The following DIPK1A variants were observed in gnomAD, a reference collection of about 807,000 sequenced individuals.
DIPK1A encodes divergent protein kinase domain 1A, also known as family with sequence similarity 69 member A.
A neutral mutation model predicts 40.8 loss-of-function variants in DIPK1A; 27 were observed. The observed-to-expected ratio is 0.66, with a 90% CI of 0.49 to 0.91. DIPK1A has a LOEUF of 0.91. DIPK1A is among the 40% of genes least tolerant of loss of function. The probability of loss-of-function intolerance (pLI) is 0.00; values close to 1 mark genes in which losing one functional copy is unlikely to be tolerated. For synonymous variants in DIPK1A, 166 were observed against 171.3 expected (o/e 0.97, Z 0.24); for missense variants, 412 against 505.7 (o/e 0.81, Z 1.78).
chr1:92,921,967 T>TAG (rs1029501750), intron 1 of DIPK1A, among the ~76,000 whole-genome samples: 1 of 152,070 alleles, frequency 6.6e-6, no homozygotes, highest in African/African-American at 2.4e-5. Context: ...TTTTTCCTGG[T>TAG]AGAGCAGTCA....
chr1:92,943,380 T>C (rs896877503), intron 1 of DIPK1A, among the ~76,000 whole-genome samples: 5 of 152,016 alleles, frequency 3.3e-5, no homozygotes, highest in Admixed American at 3.3e-4. Context: ...AGAGAGCCAA[T>C]CTGTCAGTTG....
At position 92,895,086 on chromosome 1, in the gene DIPK1A, C is replaced by T. The variant is rs1395601827; in HGVS notation, c.55-18656G>A. Among the ~76,000 whole-genome samples the T allele has an allele frequency of 1.2e-4, 19 of 152,074 alleles. 1 individual carries two copies. The highest frequency in any genetic ancestry group is 8.5e-4 in the Admixed American group (13 of 15,278). On this transcript the variant is annotated intron_variant, in intron 1 of 4. Transcript: ENST00000370310. ...ATTCTACCAGAGGTACAAGGAGGAG[C>T]TGGTACCATTCCTTCTGAAACTATT...
intron 1 of DIPK1A, among the ~76,000 whole-genome samples, chr1:92,909,927 A>T (rs1649766183): frequency 6.6e-6 from 1 of 152,214 alleles, no homozygotes; most frequent in African/African-American, 2.4e-5. Flanking sequence ...GGCATTCTTC[A>T]CATTAGTATC....
intron 1 of DIPK1A, among the ~76,000 whole-genome samples, chr1:92,939,441 T>C (rs187286727): frequency 1.3e-5 from 2 of 152,310 alleles, no homozygotes; most frequent in Admixed American, 1.3e-4. Context: ...AATTTCTTAA[T>C]AGAGCAGTCA....
intron 1 of DIPK1A, among the ~76,000 whole-genome samples, chr1:92,903,807 A>T (rs1163771112): frequency 6.6e-6 from 1 of 152,204 alleles, no homozygotes; most frequent in Non-Finnish European, 1.5e-5. Flanking sequence ...GGCAATGAGA[A>T]ATATGGCCTT....
At chr1:92,893,732 A>G (rs1649017610) in intron 1 of DIPK1A, among the ~76,000 whole-genome samples, 1 of 152,030 alleles carries the variant, frequency 6.6e-6, no homozygotes, top group African/African-American at 2.4e-5. Flanking sequence ...GTCAAGACCC[A>G]TCAGTGTGCT....
intron 4 of DIPK1A, chr1:92,835,109 A>C (rs905830794): frequency 9.6e-6 from 7 of 725,390 alleles, no homozygotes; most frequent in South Asian, 8.6e-5. Flanking sequence ...ACAAATCTGT[A>C]ATTTGCTGTC....
intron 1 of DIPK1A, among the ~76,000 whole-genome samples, chr1:92,924,548 C>A (rs1325667492): frequency 7.8e-6 from 1 of 128,432 alleles, no homozygotes; most frequent in Non-Finnish European, 1.7e-5. Flanking sequence ...GGCACCTTGC[C>A]TCTAGTGGAC....
In DIPK1A at chr1:92,895,184, T is replaced by G. The variant is rs1325875787; in HGVS notation, c.55-18754A>C. 7.2e-5 allele frequency among the ~76,000 whole-genome samples: 11 copies of G among 151,890 alleles called. No homozygotes were observed. In the East Asian group the frequency reaches 2.1e-3, roughly 29 times the overall value. The stretch of plus-strand genomic sequence containing the variant: ...CCAGCACCATCCTGATACCAAAGCC[T>G]GGCAGAGACACAACAAAAAAAGAGA... On this transcript the variant is annotated intron_variant, in intron 1 of 4. Transcript: ENST00000370310.
At position 92,937,827 on chromosome 1, in the gene DIPK1A, T is replaced by G. The variant is rs190621597; in HGVS notation, c.54+23549A>C. Among the ~76,000 whole-genome samples the G allele has an allele frequency of 6.8e-5, 9 of 132,092 alleles. No individual in the cohort carries two copies. The East Asian group carries it at 1.7e-3, about 26-fold the overall frequency. 86.7% of individuals were successfully genotyped at this position (132,092 alleles called of 152,430 possible). ...TGAAAAGTTAAGGACTACTTTTTCT[T>G]GCTACTTAAGGTTCTGGCCTTTCAC... is the stretch of plus-strand genomic sequence containing the variant. On this transcript the variant is annotated intron_variant, in intron 1 of 4. Coordinates refer to ENST00000370310, the MANE Select transcript of DIPK1A (RefSeq NM_001006605.5).
rs1381033971 is a variant in DIPK1A at position 92,843,532 on chromosome 1, T to G, written c.1138A>C (p.Ser380Arg). 6.4e-7 allele frequency: 1 copy of G among 1,552,082 alleles called. No individual in the cohort carries two copies. The highest frequency in any genetic ancestry group is 1.2e-5 in the South Asian group (1 of 84,058). ...LKDYLLRGAP[S>R]EIREELEKQL... is the part of the protein sequence containing the mutation. ...TTTTCTAATTCTTCACGAATTTCAC[T>G]TGGAGCACCACGCAGTAGGTAGTCT... is the stretch of plus-strand genomic sequence containing the variant. Residue 380 changes from serine (S) to arginine (R), a missense_variant, in exon 5 of 5, where the codon AGT (serine) becomes CGT (arginine). Coordinates refer to ENST00000370310, the MANE Select transcript of DIPK1A (RefSeq NM_001006605.5).
intron 1 of DIPK1A, among the ~76,000 whole-genome samples, chr1:92,891,356 G>C (rs1010419186): frequency 4.6e-5 from 7 of 150,620 alleles, no homozygotes; most frequent in Non-Finnish European, 8.9e-5. Context: ...GTTTATTCTT[G>C]CTTTTCTAGC....
At position 92,847,298 on chromosome 1, in the gene DIPK1A, A is replaced by G; in HGVS notation, c.359T>C (p.Leu120Pro). The G allele has an allele frequency of 1.9e-6, 3 of 1,612,692 alleles. No homozygotes were observed. The highest frequency in any genetic ancestry group is 2.5e-6 in the Non-Finnish European group (3 of 1,179,212). Residue 120 changes from leucine (L) to proline (P), a missense_variant, in exon 4 of 5, where the codon CTT (leucine) becomes CCT (proline). Physicochemically the swap from Leu to Pro is moderately conservative, Grantham distance 98 (BLOSUM62 -3). Transcript: ENST00000370310. ...GVVKCQMEQA[L>P]HLDFGTELEP... The stretch of plus-strand genomic sequence containing the variant: ...CAATTCAGTTCCAAAATCAAGATGA[A>G]GCGCTTGTTCCATTTGACATTTCAC...
At chr1:92,848,701 T>C (rs1687713455) in intron 3 of DIPK1A, among the ~76,000 whole-genome samples, 2 of 152,216 alleles carry the variant, frequency 1.3e-5, no homozygotes, top group Admixed American at 1.3e-4. Flanking sequence ...ACTATCTGTC[T>C]CATCTCACAT....
At chr1:92,855,148 C>T (rs1687941824) in intron 2 of DIPK1A, among the ~76,000 whole-genome samples, 1 of 151,724 alleles carries the variant, frequency 6.6e-6, no homozygotes, top group Admixed American at 6.6e-5. Flanking sequence ...TGTTTGGAAA[C>T]TAAAAAGCAT....
At chr1:92,926,376 C>T (rs924719823) in intron 1 of DIPK1A, among the ~76,000 whole-genome samples, 4 of 152,174 alleles carry the variant, frequency 2.6e-5, no homozygotes, top group African/African-American at 9.7e-5. Context: ...AGAAAACATA[C>T]TCTGTTAGAT....
At chr1:92,956,351 T>C (rs980861240) in intron 1 of DIPK1A, among the ~76,000 whole-genome samples, 1 of 152,200 alleles carries the variant, frequency 6.6e-6, no homozygotes, top group African/African-American at 2.4e-5. Context: ...AATGGTAATA[T>C]CAAGTGGCTC....
intron 4 of DIPK1A, chr1:92,837,152 G>A: frequency 2.1e-6 from 1 of 485,352 alleles, no homozygotes; most frequent in Non-Finnish European, 3.9e-6. Context: ...AAAGGATTTA[G>A]AGTATAAGTT....
chr1:92,922,549 C>T (rs1224753367), intron 1 of DIPK1A, among the ~76,000 whole-genome samples: 1 of 152,102 alleles, frequency 6.6e-6, no homozygotes, highest in African/African-American at 2.4e-5. Context: ...TCCATGGACA[C>T]GGTTCAATCA....
Sources: gnomAD v4.1 joint callset for allele counts (sites outside exome capture counted in the v4.1 genomes callset) on GRCh38, gnomAD v4.1.1 for gene constraint, MANE v1.5 for transcripts, NCBI Gene and HGNC (gene_info 2026-07-23, HGNC 2026-07-21) for gene names.